NUDT4: variants seen among roughly 807,000 people sequenced by gnomAD.
The protein encoded by NUDT4 is diphosphoinositol polyphosphate phosphohydrolase 2.
Under a neutral mutation model 23.1 loss-of-function variants are expected in NUDT4, and 5 were observed. The observed-to-expected ratio is 0.22, with a 90% CI of 0.11 to 0.46. The LOEUF (loss-of-function observed/expected upper bound fraction) is 0.46, where lower values mean the gene tolerates loss of function less well. Ranked by LOEUF, NUDT4 falls within the 20% of genes least tolerant of loss-of-function variation. NUDT4 has a pLI of 0.99. For synonymous variants in NUDT4, 50 were observed against 79.0 expected, an observed-to-expected ratio of 0.63 and a Z score of 1.95; for missense variants, 96 against 211.6, an observed-to-expected ratio of 0.45 and a Z score of 3.39.
At chr12:93,386,554 T>C (rs1404235216) in intron 1 of NUDT4, among the ~76,000 whole-genome samples, 1 of 151,500 alleles carries the variant, frequency 6.6e-6, no homozygotes, top group Non-Finnish European at 1.5e-5. Flanking sequence ...CACTCCAACC[T>C]GGGTGACAGA....
At chr12:93,383,678 A>G (rs1368561221) in intron 1 of NUDT4, among the ~76,000 whole-genome samples, 1 of 152,154 alleles carries the variant, frequency 6.6e-6, no homozygotes, top group Non-Finnish European at 1.5e-5. Context: ...CTAAAAATAC[A>G]ATAATTAGCC....
intron 1 of NUDT4, among the ~76,000 whole-genome samples, chr12:93,383,195 T>C (rs1049771094): frequency 6.6e-6 from 1 of 152,080 alleles, no homozygotes; most frequent in African/African-American, 2.4e-5. Flanking sequence ...GTCAACCTGA[T>C]TTACAACATT....
Position 93,381,382 on chromosome 12 carries a change from A to C in NUDT4, c.99+2961A>C, listed in dbSNP as rs4761712. On this transcript the variant is annotated intron_variant, in intron 1 of 4. Coordinates refer to ENST00000415493, the MANE Select transcript of NUDT4 (RefSeq NM_019094.6). ...TAATTGCCCTGTAGAGTAGCTGGGT[A>C]CTGTGCTTGTACAGTGAAAGATGAC... 3.8e-3 allele frequency among the ~76,000 whole-genome samples: 581 copies of C among 152,332 alleles called. 15 individuals are homozygous for C. The highest frequency in any genetic ancestry group is 0.032 in the Admixed American group (489 of 15,302).
Position 93,380,548 on chromosome 12 carries a change from G to C in NUDT4, c.99+2127G>C, listed in dbSNP as rs558572425. On this transcript the variant is annotated intron_variant, in intron 1 of 4. Coordinates refer to ENST00000415493, the MANE Select transcript of NUDT4 (RefSeq NM_019094.6). The stretch of plus-strand genomic sequence containing the variant: ...TCTGATAACCTGTAGGTTGAGAATT[G>C]AAGAGAGTGAGTCATCTTGTTAGAG... Among the ~76,000 whole-genome samples the C allele has an allele frequency of 2.0e-5, 3 of 152,280 alleles. No individual in the cohort carries two copies. In the South Asian group the frequency reaches 6.2e-4, roughly 32 times the overall value.
chr12:93,390,966 T>G (rs1316327383), intron 1 of NUDT4, among the ~76,000 whole-genome samples: 1 of 152,064 alleles, frequency 6.6e-6, no homozygotes, highest in Non-Finnish European at 1.5e-5. Context: ...TTTTGGGGGC[T>G]TGAGAGAAGG....
chr12:93,389,332 C>T (rs980782536), intron 1 of NUDT4, among the ~76,000 whole-genome samples: 12 of 151,848 alleles, frequency 7.9e-5, no homozygotes, highest in Admixed American at 5.9e-4. Context: ...ATTAGCTGGG[C>T]GTGGTGGCGC....
At chr12:93,388,005 A>G (rs1233665526) in intron 1 of NUDT4, among the ~76,000 whole-genome samples, 1 of 152,140 alleles carries the variant, frequency 6.6e-6, no homozygotes, top group African/African-American at 2.4e-5. Flanking sequence ...GAACACTCAA[A>G]TGAACTATTC....
In NUDT4 at chr12:93,395,499, A is replaced by G. The variant is rs1163689405; in HGVS notation, c.221A>G (p.Lys74Arg). 7.5e-6 allele frequency: 12 copies of G among 1,607,954 alleles called. No homozygotes were observed. The highest frequency in any genetic ancestry group is 9.4e-6 in the Non-Finnish European group (11 of 1,174,608). ...ATCTTTTTTTAATAGGCTGGAGTCAAAGGAAAACTAGGCAGACTTCTGGGC... is the reference window on the plus strand; with the variant it reads ...ATCTTTTTTTAATAGGCTGGAGTCAGAGGAAAACTAGGCAGACTTCTGGGC... Reference protein sequence around the residue: ...VREVYEEAGVKGKLGRLLGIF... With the variant: ...VREVYEEAGVRGKLGRLLGIF... The change falls in exon 3 of 5, where the codon AAA becomes AGA. Residue 74 changes from lysine (K) to arginine (R), a missense_variant. Transcript: ENST00000415493.
At chr12:93,393,881 T>A (rs1177230326) in intron 1 of NUDT4, among the ~76,000 whole-genome samples, 1 of 152,220 alleles carries the variant, frequency 6.6e-6, no homozygotes, top group African/African-American at 2.4e-5. Context: ...GTATTCTTAT[T>A]TTTTAGGTGA....
chr12:93,399,576 G>A lies in NUDT4; in HGVS notation c.*197G>A. On this transcript the variant is annotated 3_prime_UTR_variant, in exon 5 of 5. Coordinates refer to ENST00000415493, the MANE Select transcript of NUDT4 (RefSeq NM_019094.6). ...GTGTAAAATATTTTAATAAGCCAAA[G>A]CCATGTGGAATTTTTGTTTAGATGC... The A allele has an allele frequency of 2.8e-5, 8 of 284,900 alleles. No individual in the cohort carries two copies. The highest frequency in any genetic ancestry group is 3.8e-5 in the Non-Finnish European group (6 of 157,452). The allele number at this position is 284,900 out of a possible 1,614,324, so 17.6% of individuals were successfully genotyped here.
chr12:93,383,464 G>A (rs149577418), intron 1 of NUDT4, among the ~76,000 whole-genome samples: 16 of 138,336 alleles, frequency 1.2e-4, no homozygotes, highest in African/African-American at 4.3e-4. Flanking sequence ...GTAGAATTAG[G>A]TTAACGTAGT....
intron 1 of NUDT4, among the ~76,000 whole-genome samples, chr12:93,383,619 G>A (rs1271523072): frequency 6.6e-6 from 1 of 152,194 alleles, no homozygotes; most frequent in African/African-American, 2.4e-5. Flanking sequence ...ATCACCTGAG[G>A]TCAGGGGTTC....
rs1408729287 is a variant in NUDT4 at position 93,404,388 on chromosome 12, A to C, written c.*5009A>C. The C allele has an allele frequency of 1.3e-5, 2 of 152,234 alleles. No individual in the cohort carries two copies. The highest frequency in any genetic ancestry group is 4.8e-5 in the African/African-American group (2 of 41,460). The allele number at this position is 152,234 out of a possible 1,614,324, so 9.4% of individuals were successfully genotyped here. A position where few individuals can be genotyped will look rare whatever the true frequency, so the allele number is the denominator to read the frequency against. The stretch of plus-strand genomic sequence containing the variant: ...ACATTTGCGTAAGGATCTGAGTGGA[A>C]ACTGATACAGCCTGTCGGAGAGCTA... On this transcript the variant is annotated 3_prime_UTR_variant, in exon 5 of 5. Transcript: ENST00000415493.
chr12:93,390,410 G>T (rs1351296607), intron 1 of NUDT4, among the ~76,000 whole-genome samples: 1 of 152,196 alleles, frequency 6.6e-6, no homozygotes, highest in African/African-American at 2.4e-5. Flanking sequence ...TAGAGGGCCA[G>T]TGCCTTTGGT....
Position 93,395,047 on chromosome 12 carries a change from C to T in NUDT4, c.210+328C>T, listed in dbSNP as rs574955556. On this transcript the variant is annotated intron_variant, in intron 2 of 4. Coordinates refer to ENST00000415493, the MANE Select transcript of NUDT4 (RefSeq NM_019094.6). ...TATTTTTAGTAGAGACAGGGTTTCA[C>T]CATGTTGGCCAGACTGGTCTCAAAC... Among the ~76,000 whole-genome samples the T allele has an allele frequency of 1.1e-4, 17 of 152,176 alleles. No homozygotes were observed. In the South Asian group the frequency reaches 3.1e-3, roughly 28 times the overall value.
At chr12:93,385,706 A>C (rs1300770826) in intron 1 of NUDT4, among the ~76,000 whole-genome samples, 1 of 151,962 alleles carries the variant, frequency 6.6e-6, no homozygotes, top group Non-Finnish European at 1.5e-5. Flanking sequence ...GCATTGTGAT[A>C]GGGTTCTAGA....
chr12:93,396,153 T>C (rs7977140), intron 3 of NUDT4, among the ~76,000 whole-genome samples: 14,464 of 152,256 alleles, frequency 0.095, 963 homozygotes, highest in East Asian at 0.18. Context: ...GTACAATATT[T>C]TTAGTATGAC....
chr12:93,384,317 G>GCTA (rs1427686930), intron 1 of NUDT4, among the ~76,000 whole-genome samples: 1 of 152,050 alleles, frequency 6.6e-6, no homozygotes, highest in Non-Finnish European at 1.5e-5. Flanking sequence ...ACAGGCGTGT[G>GCTA]CTACCACGCC....
chr12:93,404,554 C>CA lies in NUDT4; in HGVS notation c.*5177dup, dbSNP rs1448319833. 2.0e-4 allele frequency: 30 copies of CA among 152,206 alleles called. No individual in the cohort carries two copies. The highest frequency in any genetic ancestry group is 7.0e-4 in the African/African-American group (29 of 41,492). 9.4% of individuals were successfully genotyped at this position (152,206 alleles called of 1,614,324 possible). On this transcript the variant is annotated 3_prime_UTR_variant, in exon 5 of 5. Coordinates refer to ENST00000415493, the MANE Select transcript of NUDT4 (RefSeq NM_019094.6). ...GTTGTAGGATTTATGAAACTGGTAC[C>CA]AATTTAATATTCAAATGTGATTAAG...
Sources: gnomAD v4.1 joint callset for allele counts (sites outside exome capture counted in the v4.1 genomes callset) on GRCh38, gnomAD v4.1.1 for gene constraint, MANE v1.5 for transcripts, NCBI Gene and HGNC (gene_info 2026-07-23, HGNC 2026-07-21) for gene names.